The following PCDH7 variants were observed in gnomAD, a reference collection of about 807,000 sequenced individuals.
The protein encoded by PCDH7 is protocadherin-7.
A neutral mutation model predicts 58.9 loss-of-function variants in PCDH7; 17 were observed. The observed-to-expected ratio is 0.29, with a 90% CI of 0.20 to 0.43. The LOEUF is 0.43. PCDH7 is among the 20% of genes least tolerant of loss of function. The pLI, the probability that PCDH7 is intolerant of heterozygous loss-of-function variation, is 1.00. For synonymous variants in PCDH7, 664 were observed against 616.4 expected, an observed-to-expected ratio of 1.08 and a Z score of -1.14; for missense variants, 1,274 against 1,441.0, an observed-to-expected ratio of 0.88 and a Z score of 1.88.
chr4:30,743,153 C>T (rs914545445), intron 1 of PCDH7, among the ~76,000 whole-genome samples: 1 of 151,772 alleles, frequency 6.6e-6, no homozygotes, highest in Non-Finnish European at 1.5e-5. Context: ...AATAATGATG[C>T]CAAAAACTGA....
chr4:31,030,133 T>TTGTGTGTGTGCATGTGTGTGTGCA lies in PCDH7; in HGVS notation c.*7+79938_*7+79961dup, dbSNP rs11274879. ...CTTTGTGTGGGTTGCGTGTGTATGT[T>TTGTGTGTGTGCATGTGTGTGTGCA]TGTGTGTGTGCATGTGTGTGTGCAT... On this transcript the variant is annotated intron_variant, in intron 3 of 3. Coordinates refer to the PCDH7 transcript ENST00000509759. Among the ~76,000 whole-genome samples the TTGTGTGTGTGCATGTGTGTGTGCA allele has an allele frequency of 2.9e-3, 432 of 147,630 alleles. 5 individuals carry two copies. Among genetic ancestry groups the TTGTGTGTGTGCATGTGTGTGTGCA allele is most frequent in the African/African-American group, 9.0e-3 (357 of 39,524 alleles).
At position 31,095,788 on chromosome 4, in the gene PCDH7, G is replaced by A. The variant is rs1028728782; in HGVS notation, c.*8-46685G>A. ...TACTATGGTGATTAGGACACTTTCT[G>A]TTAATTTATGGGCTTTCTCTCTATA... is the stretch of plus-strand genomic sequence containing the variant. On this transcript the variant is annotated intron_variant, in intron 3 of 3. Transcript: ENST00000509759. Among the ~76,000 whole-genome samples the A allele has an allele frequency of 5.3e-5, 8 of 152,068 alleles. No individual in the cohort carries two copies. The South Asian group carries it at 1.0e-3, about 20-fold the overall frequency.
intron 3 of PCDH7, among the ~76,000 whole-genome samples, chr4:31,072,111 A>G (rs1334949041): frequency 6.6e-6 from 1 of 152,144 alleles, no homozygotes; most frequent in Admixed American, 6.6e-5. Context: ...GAAAAAAAAT[A>G]GAACTGATTG....
chr4:30,860,490 A>T (rs541976281), intron 1 of PCDH7, among the ~76,000 whole-genome samples: 1 of 151,796 alleles, frequency 6.6e-6, no homozygotes, highest in South Asian at 2.1e-4. Context: ...TTTCTTAATT[A>T]TGGATTGTCT....
chr4:30,871,360 C>T (rs1035896441), intron 1 of PCDH7, among the ~76,000 whole-genome samples: 12 of 151,986 alleles, frequency 7.9e-5, no homozygotes, highest in African/African-American at 2.9e-4. Context: ...GCTCCATGAC[C>T]TGTAGGACCT....
At chr4:31,032,605 C>CA (rs528974781) in intron 3 of PCDH7, among the ~76,000 whole-genome samples, 27,823 of 86,640 alleles carry the variant, frequency 0.32, 3,627 homozygotes, top group Admixed American at 0.41. Flanking sequence ...CAGATTCTGT[C>CA]AAAAAAAAAA....
chr4:30,797,000 G>A (rs1366027835), intron 1 of PCDH7, among the ~76,000 whole-genome samples: 4 of 150,822 alleles, frequency 2.7e-5, no homozygotes, highest in Non-Finnish European at 5.9e-5. Context: ...TGACTCAGTA[G>A]CCCAAGGTGG....
intron 2 of PCDH7, among the ~76,000 whole-genome samples, chr4:30,941,865 C>T (rs760717959): frequency 1.3e-5 from 2 of 151,806 alleles, no homozygotes; most frequent in African/African-American, 2.4e-5. Flanking sequence ...AACCTTTGCT[C>T]TCAGTATTTA....
chr4:30,889,085 G>T (rs11725605), intron 1 of PCDH7, among the ~76,000 whole-genome samples: 8,841 of 146,408 alleles, frequency 0.06, 395 homozygotes, highest in Non-Finnish European at 0.093. Context: ...AGAGGCTGAG[G>T]TGGGTGGATT....
chr4:30,985,355 A>G (rs1425973305), intron 3 of PCDH7, among the ~76,000 whole-genome samples: 3 of 152,154 alleles, frequency 2.0e-5, no homozygotes, highest in Non-Finnish European at 4.4e-5. Flanking sequence ...CCTTTTCGGG[A>G]AACATTATAG....
chr4:30,879,180 T>G (rs887096232), intron 1 of PCDH7, among the ~76,000 whole-genome samples: 1 of 152,062 alleles, frequency 6.6e-6, no homozygotes, highest in Non-Finnish European at 1.5e-5. Context: ...CCTCCCTTTA[T>G]TCCTCCTTCT....
chr4:30,730,835 C>A, exon 2 of PCDH7: 1 of 1,541,984 alleles, frequency 6.5e-7, no homozygotes, highest in Non-Finnish European at 8.7e-7. Flanking sequence ...CTGTGATGAC[C>A]TTTCTACTCC....
At chr4:31,129,931 A>T (rs1217837343) in intron 3 of PCDH7, among the ~76,000 whole-genome samples, 4 of 150,864 alleles carry the variant, frequency 2.7e-5, no homozygotes, top group African/African-American at 7.3e-5. Context: ...ACAGGCCACA[A>T]TTTTTTTTTT....
intron 3 of PCDH7, among the ~76,000 whole-genome samples, chr4:31,122,909 G>C (rs542432443): frequency 6.6e-6 from 1 of 151,742 alleles, no homozygotes; most frequent in Non-Finnish European, 1.5e-5. Flanking sequence ...AGTCACAAAA[G>C]ATTAAGTTTC....
chr4:31,011,360 C>G lies in PCDH7; in HGVS notation c.*7+61145C>G, dbSNP rs1357060504. On this transcript the variant is annotated intron_variant, in intron 3 of 3. Transcript: ENST00000509759. ...GGTCACTATTCTTGGAACTTGTTCT[C>G]TTTGTAAAATTCAACATGGATCTTT... 2.0e-5 allele frequency among the ~76,000 whole-genome samples: 3 copies of G among 152,108 alleles called. No individual in the cohort carries two copies. The East Asian group carries it at 5.8e-4, about 29-fold the overall frequency.
In PCDH7 at chr4:31,045,485, A is replaced by T. The variant is rs541381645; in HGVS notation, c.*7+95270A>T. ...TAAGAGATTCACACTTACACTGGGCATTCCGTTCCTGCTGTCAGAAGTCAT... is the reference window on the plus strand; with the variant it reads ...TAAGAGATTCACACTTACACTGGGCTTTCCGTTCCTGCTGTCAGAAGTCAT... On this transcript the variant is annotated intron_variant, in intron 3 of 3. Transcript: ENST00000509759. Among the ~76,000 whole-genome samples, 80 of 152,168 alleles carry T rather than the reference A, an allele frequency of 5.3e-4. 1 individual carries two copies. In the Middle Eastern group the frequency reaches 0.01, roughly 19 times the overall value.
chr4:31,111,405 T>A (rs529637055), intron 3 of PCDH7, among the ~76,000 whole-genome samples: 9 of 151,690 alleles, frequency 5.9e-5, no homozygotes, highest in African/African-American at 2.2e-4. Context: ...CCTCCCAGGT[T>A]CAAGCGATTC....
At chr4:30,864,873 A>G (rs576264455) in intron 1 of PCDH7, among the ~76,000 whole-genome samples, 4 of 152,264 alleles carry the variant, frequency 2.6e-5, no homozygotes, top group South Asian at 4.1e-4. Flanking sequence ...GCAAAATTCA[A>G]ATAAAAAAAT....
At chr4:31,109,582 G>A (rs1716028026) in intron 3 of PCDH7, among the ~76,000 whole-genome samples, 1 of 152,168 alleles carries the variant, frequency 6.6e-6, no homozygotes, top group African/African-American at 2.4e-5. Flanking sequence ...GTTTGAATGT[G>A]TTTATTTATT....
Sources: gnomAD v4.1 joint callset for allele counts (sites outside exome capture counted in the v4.1 genomes callset) on GRCh38, gnomAD v4.1.1 for gene constraint, MANE v1.5 for transcripts, NCBI Gene and HGNC (gene_info 2026-07-23, HGNC 2026-07-21) for gene names.